Variants in PRKAR1A observed in about 807,000 individuals in gnomAD.
The protein encoded by PRKAR1A is cAMP-dependent protein kinase type I-alpha regulatory subunit.
PRKAR1A carries 3 observed loss-of-function variants against 52.0 expected under a neutral mutation model. The ratio of observed to expected loss-of-function variants is 0.06; its 90% CI spans 0.03 to 0.15. The LOEUF (loss-of-function observed/expected upper bound fraction) is 0.15. PRKAR1A is among the 10% of genes least tolerant of loss of function. PRKAR1A has a pLI of 1.00. For synonymous variants in PRKAR1A, 188 were observed against 168.4 expected, an observed-to-expected ratio of 1.12 and a Z score of -0.90; for missense variants, 240 against 477.4, an observed-to-expected ratio of 0.50 and a Z score of 4.63.
chr17:68,486,506 C>CTTCCTTCCTTCCTTCCTTCCCTCT, the PRKAR1A span, among the ~76,000 whole-genome samples: 166 of 48,260 alleles, frequency 3.4e-3, no homozygotes, highest in Middle Eastern at 0.011. Flanking sequence ...TCCTTCCTTC[C>CTTCCTTCCTTCCTTCCTTCCCTCT]TTCTTTCTTT....
Position 68,545,273 on chromosome 17 carries a change from G to A in PRKAR1A, c.974-5811G>A, listed in dbSNP as rs74985408. Among the ~76,000 whole-genome samples the A allele has an allele frequency of 3.2e-3, 484 of 152,206 alleles. 1 individual carries two copies. Among genetic ancestry groups the A allele is most frequent in the African/African-American group, 0.011 (457 of 41,510 alleles). ...GTTGGAGGGTTTTGCATTGTATTTC[G>A]GAAAAAAGCTGGCTAGTTGGAACAA... On this transcript the variant is annotated intron_variant, in intron 11 of 11. Transcript: ENST00000585981.
chr17:68,494,502 C>A, the PRKAR1A span, among the ~76,000 whole-genome samples: 1 of 152,056 alleles, frequency 6.6e-6, no homozygotes, highest in Admixed American at 6.6e-5. Flanking sequence ...GATGGCACTA[C>A]TGTACTCCAG....
At chr17:68,496,609 C>G in the PRKAR1A span, among the ~76,000 whole-genome samples, 1 of 152,100 alleles carries the variant, frequency 6.6e-6, no homozygotes. Context: ...TTGCAGGGGT[C>G]ATCATTTGGC....
intron 11 of PRKAR1A, chr17:68,541,868 G>T (rs2086312439): frequency 2.4e-6 from 3 of 1,228,656 alleles, no homozygotes; most frequent in East Asian, 2.3e-5. Context: ...ATGAAATGGG[G>T]CAAAGGAGTA....
downstream of PRKAR1A, chr17:68,535,719 C>A (rs1449098238): frequency 2.2e-6 from 1 of 450,280 alleles, no homozygotes; most frequent in Non-Finnish European, 4.4e-6. Context: ...GTCATGTTAC[C>A]CAGGCTGGTC....
At chr17:68,459,443 G>GAA in the PRKAR1A span, among the ~76,000 whole-genome samples, 1 of 152,222 alleles carries the variant, frequency 6.6e-6, no homozygotes, top group African/African-American at 2.4e-5. Flanking sequence ...GTTAGTTTTT[G>GAA]AGCAGGAGTG....
chr17:68,481,719 A>C, the PRKAR1A span, among the ~76,000 whole-genome samples: 56,561 of 152,070 alleles, frequency 0.37, 10,674 homozygotes, highest in South Asian at 0.45. Flanking sequence ...AGTTATTCAT[A>C]CAGCCATTCA....
chr17:68,486,413 T>C, the PRKAR1A span, among the ~76,000 whole-genome samples: 426 of 119,738 alleles, frequency 3.6e-3, 3 homozygotes, highest in Admixed American at 0.012. Flanking sequence ...TCTTTCTTTC[T>C]TTCCTTCCTT....
chr17:68,537,710 G>C (rs1334941671), downstream of PRKAR1A: 1 of 1,613,280 alleles, frequency 6.2e-7, no homozygotes, highest in Admixed American at 1.7e-5. This position sits in a 1 kb window ranked among gnomAD's most constrained non-coding sequence, Gnocchi z 4.2. Flanking sequence ...TGGGCCAGCA[G>C]CTGCAGGTGC....
the PRKAR1A span, among the ~76,000 whole-genome samples, chr17:68,472,002 C>T: frequency 6.6e-6 from 1 of 152,174 alleles, no homozygotes; most frequent in Admixed American, 6.5e-5. Context: ...GGGGGTTTTA[C>T]CATGTTGGCC....
chr17:68,417,122 T>C, the PRKAR1A span, among the ~76,000 whole-genome samples: 2 of 152,156 alleles, frequency 1.3e-5, no homozygotes, highest in African/African-American at 4.8e-5. Context: ...TAAGTCTTAG[T>C]AGTTTTGGTG....
At chr17:68,549,371 A>G (rs1026163894) in intron 11 of PRKAR1A, among the ~76,000 whole-genome samples, 2 of 152,018 alleles carry the variant, frequency 1.3e-5, no homozygotes, top group African/African-American at 2.4e-5. Flanking sequence ...GTACACATCT[A>G]TAATCCCAGC....
the PRKAR1A span, among the ~76,000 whole-genome samples, chr17:68,500,422 C>T: frequency 6.6e-6 from 1 of 152,192 alleles, no homozygotes; most frequent in Admixed American, 6.5e-5. Context: ...ATGCCTTTTG[C>T]CTTCCGCCAT....
the PRKAR1A span, chr17:68,429,075 G>T: frequency 1.6e-6 from 1 of 643,336 alleles, no homozygotes; most frequent in Non-Finnish European, 2.7e-6. Context: ...TCTGGTCTGG[G>T]CTTCTGGCTA....
chr17:68,509,307 C>T (rs916035176), upstream of PRKAR1A, among the ~76,000 whole-genome samples: 5 of 152,242 alleles, frequency 3.3e-5, no homozygotes, highest in Admixed American at 2.6e-4. Context: ...CCAGTACATG[C>T]GTGGGTCACC....
At chr17:68,451,737 GCTGTGCTCC>G in the PRKAR1A span, among the ~76,000 whole-genome samples, 1 of 152,092 alleles carries the variant, frequency 6.6e-6, no homozygotes, top group African/African-American at 2.4e-5. Flanking sequence ...CCCCTATCTT[GCTGTGCTCC>G]CTGGATCTCT....
At chr17:68,457,440 A>C in the PRKAR1A span, 3 of 415,944 alleles carry the variant, frequency 7.2e-6, no homozygotes, top group Non-Finnish European at 1.0e-5. Context: ...CGGCCCGGGA[A>C]GCCGCAGCTC....
At chr17:68,528,004 C>A in intron 8 of PRKAR1A, 104 bp downstream of exon 8, 1 of 1,013,808 alleles carries the variant, frequency 9.9e-7, no homozygotes, top group Non-Finnish European at 1.6e-6. Context: ...GCTACTCATT[C>A]CCCCTGAAAA....
intron 3 of PRKAR1A, 102 bp from the exon 4 acceptor site, chr17:68,523,623 T>C (rs2085686495): frequency 2.2e-6 from 2 of 894,696 alleles, no homozygotes; most frequent in Non-Finnish European, 3.7e-6. Context: ...CAGTCTTGTT[T>C]AAATACCATA....
Sources: gnomAD v4.1 joint callset for allele counts (sites outside exome capture counted in the v4.1 genomes callset) on GRCh38, gnomAD v4.1.1 for gene constraint, Gnocchi (gnomAD v3.1) non-coding constraint, MANE v1.5 for transcripts, NCBI Gene and HGNC (gene_info 2026-07-23, HGNC 2026-07-21) for gene names.